Variants in ZC3H8 observed in about 807,000 individuals in gnomAD.
ZC3H8 encodes zinc finger CCCH domain-containing protein 8.
ZC3H8 carries 27 observed loss-of-function variants against 42.5 expected under a neutral mutation model. That is an observed-to-expected ratio of 0.64 (90% CI 0.47 to 0.88). The LOEUF (loss-of-function observed/expected upper bound fraction) is 0.88, where lower values mean the gene tolerates loss of function less well. ZC3H8 is among the 40% of genes least tolerant of loss of function. The pLI is 0.00. For missense variants in ZC3H8, 277 were observed against 336.1 expected (o/e 0.82, Z 1.37); for synonymous variants, 101 against 110.1 (o/e 0.92, Z 0.52).
At chr2:112,254,794 G>C in intron 1 of ZC3H8, 114 bp downstream of exon 1, 1 of 1,262,128 alleles carries the variant, frequency 7.9e-7, no homozygotes, top group South Asian at 1.4e-5. Flanking sequence ...GCTCCCCACG[G>C]GCCCTCGCGA....
At chr2:112,239,242 A>T (rs996512984) in intron 2 of ZC3H8, among the ~76,000 whole-genome samples, 2 of 152,242 alleles carry the variant, frequency 1.3e-5, no homozygotes, top group Non-Finnish European at 2.9e-5. Flanking sequence ...ATTTCTGCAT[A>T]AAAATTTTCA....
chr2:112,234,136 T>C lies in ZC3H8; in HGVS notation c.605A>G (p.Glu202Gly). 1.3e-6 allele frequency: 2 copies of C among 1,583,534 alleles called. No homozygotes were observed. Among genetic ancestry groups the C allele is most frequent in the Non-Finnish European group, 1.7e-6 (2 of 1,163,744 alleles). ...KGKQICKYFLERKCIKGDQCK... is the reference protein window; with the variant it reads ...KGKQICKYFLGRKCIKGDQCK... ...TTTTTATACCTTAATACATTTCCTTTCAAGAAAATATTTACAAATTTGTTT... is the reference window on the plus strand; with the variant it reads ...TTTTTATACCTTAATACATTTCCTTCCAAGAAAATATTTACAAATTTGTTT... Residue 202 changes from glutamate (E) to glycine (G), a missense_variant, in exon 5 of 9, where the codon GAA becomes GGA. Physicochemically the swap from Glu to Gly is moderately conservative, Grantham distance 98. Coordinates refer to ENST00000409573, the MANE Select transcript of ZC3H8 (RefSeq NM_032494.3).
rs771083370 is a variant in ZC3H8 at position 112,214,980 on chromosome 2, G to A, written c.*1504C>T. On this transcript the variant is annotated 3_prime_UTR_variant, in exon 9 of 9. Transcript: ENST00000409573. ...ACTTCTGAGTCCCTCAAATCTCTGCGGTGTCTTTTAAGTTTACAAGTGAGA... is the reference window on the plus strand; with the variant it reads ...ACTTCTGAGTCCCTCAAATCTCTGCAGTGTCTTTTAAGTTTACAAGTGAGA... The A allele has an allele frequency of 4.6e-5, 7 of 151,878 alleles. No homozygotes were observed. Among genetic ancestry groups the A allele is most frequent in the South Asian group, 2.1e-4 (1 of 4,814 alleles). The allele number at this position is 151,878 out of a possible 1,614,324, so 9.4% of individuals were successfully genotyped here.
At chr2:112,236,969 G>A (rs540449656) in intron 3 of ZC3H8, among the ~76,000 whole-genome samples, 1 of 152,334 alleles carries the variant, frequency 6.6e-6, no homozygotes, top group South Asian at 2.1e-4. Flanking sequence ...GCTAAGGCAG[G>A]AGGATTGCTT....
chr2:112,240,952 AGT>A (rs67273091), intron 2 of ZC3H8, among the ~76,000 whole-genome samples: 38,321 of 142,288 alleles, frequency 0.27, 5,224 homozygotes, highest in South Asian at 0.39. Flanking sequence ...TACAGGTAAC[AGT>A]GTGTGTGTGT....
intron 2 of ZC3H8, among the ~76,000 whole-genome samples, chr2:112,241,355 G>A (rs1162200267): frequency 2.6e-5 from 4 of 152,220 alleles, no homozygotes; most frequent in Admixed American, 1.3e-4. Context: ...TCTTCCATGG[G>A]CTGGCATTTG....
At position 112,233,347 on chromosome 2, in the gene ZC3H8, C is replaced by T; in HGVS notation, c.646G>A (p.Asp216Asn). Residue 216 changes from aspartate (D) to asparagine (N), a missense_variant, in exon 6 of 9, where the codon GAT (aspartate) becomes AAT (asparagine). Asp to Asn is a conservative substitution (Grantham distance 23). Transcript: ENST00000409573. ...TCCTTTTTCTTTTCTATCTCTGCAT[C>T]ATGATCAAATTTACACTGGTCTCCC... ...IKGDQCKFDH[D>N]AEIEKKKEMC... 6.3e-7 allele frequency: 1 copy of T among 1,594,122 alleles called. No individual in the cohort carries two copies. Among genetic ancestry groups the T allele is most frequent in the Non-Finnish European group, 8.6e-7 (1 of 1,169,212 alleles).
At chr2:112,252,281 T>G (rs1685976078) in intron 1 of ZC3H8, among the ~76,000 whole-genome samples, 1 of 152,194 alleles carries the variant, frequency 6.6e-6, no homozygotes, top group Non-Finnish European at 1.5e-5. Context: ...TCTTGCTATC[T>G]AAAACGGCAA....
chr2:112,248,368 A>AAAG (rs934132652), intron 2 of ZC3H8, among the ~76,000 whole-genome samples: 53 of 151,694 alleles, frequency 3.5e-4, no homozygotes, highest in African/African-American at 1.3e-3. Context: ...AAAAGGAAAA[A>AAAG]AAGAAAGAAA....
chr2:112,245,700 G>A (rs1685739265), intron 2 of ZC3H8, among the ~76,000 whole-genome samples: 1 of 152,176 alleles, frequency 6.6e-6, no homozygotes, highest in Non-Finnish European at 1.5e-5. Flanking sequence ...TGTAAAAGCT[G>A]CAAATTATCC....
chr2:112,242,783 C>G (rs570341007), intron 2 of ZC3H8, among the ~76,000 whole-genome samples: 1 of 152,168 alleles, frequency 6.6e-6, no homozygotes, highest in Non-Finnish European at 1.5e-5. Context: ...CTCCAGCTCT[C>G]TTCTGATTAA....
chr2:112,242,634 C>T (rs182582435), intron 2 of ZC3H8, among the ~76,000 whole-genome samples: 215 of 152,286 alleles, frequency 1.4e-3, no homozygotes, highest in African/African-American at 4.9e-3. Flanking sequence ...TCAAGTCAGA[C>T]GGCAAATCAC....
At chr2:112,221,406 T>A (rs1418691159) in intron 8 of ZC3H8, among the ~76,000 whole-genome samples, 1 of 152,204 alleles carries the variant, frequency 6.6e-6, no homozygotes, top group East Asian at 1.9e-4. Flanking sequence ...CCTTCTGCCA[T>A]GTCTGTAAGT....
intron 8 of ZC3H8, among the ~76,000 whole-genome samples, chr2:112,221,798 G>T (rs763578434): frequency 6.6e-6 from 1 of 151,964 alleles, no homozygotes; most frequent in Non-Finnish European, 1.5e-5. Flanking sequence ...TCTTGGATTG[G>T]GTTGACTATC....
chr2:112,238,332 A>G lies in ZC3H8; in HGVS notation c.353T>C (p.Val118Ala), dbSNP rs1685436737. The G allele has an allele frequency of 6.2e-7, 1 of 1,613,198 alleles. No homozygotes were observed. Among genetic ancestry groups the G allele is most frequent in the East Asian group, 2.2e-5 (1 of 44,844 alleles). ...QPEESTKKEG[V>A]KDTPQAAKQK... is the part of the protein sequence containing the mutation. ...ACTCTTACCCTGTGGGGTATCTTTT[A>G]CTCCTTCTTTCTTTGTAGATTCTTC... Residue 118 changes from valine (V) to alanine (A), a missense_variant, in exon 3 of 9, where the codon GTA (valine) becomes GCA (alanine). By Grantham distance (64) the Val-to-Ala change is moderately conservative. Transcript: ENST00000409573.
Position 112,231,890 on chromosome 2 carries a change from C to A in ZC3H8, c.791G>T (p.Cys264Phe). The change falls in exon 7 of 9, where the codon TGC (cysteine) becomes TTC (phenylalanine). Residue 264 changes from cysteine to phenylalanine, a missense_variant. By Grantham distance (205) the Cys-to-Phe change is radical. Coordinates refer to ENST00000409573, the MANE Select transcript of ZC3H8 (RefSeq NM_032494.3). ...AGTCAGTGGAGCATGAGAAAACTTGCAGTATTCTCCCTGATAACATTTTGT... is the reference window on the plus strand; with the variant it reads ...AGTCAGTGGAGCATGAGAAAACTTGAAGTATTCTCCCTGATAACATTTTGT... The part of the protein sequence containing the change: ...TGTKCYQGEY[C>F]KFSHAPLTPE... 1 of 1,591,078 alleles carries A rather than the reference C, an allele frequency of 6.3e-7. No individual in the cohort carries two copies. The highest frequency in any genetic ancestry group is 2.3e-5 in the East Asian group (1 of 44,292).
In ZC3H8 at chr2:112,238,923, G is replaced by A. The variant is rs571703963; in HGVS notation, c.157-395C>T. Among the ~76,000 whole-genome samples, 172 of 152,268 alleles carry A rather than the reference G, an allele frequency of 1.1e-3. 1 individual carries two copies. Among genetic ancestry groups the A allele is most frequent in the Non-Finnish European group, 2.1e-3 (146 of 68,006 alleles). ...CTTTGCATTGACAGTACTTTTAAAT[G>A]TCTTCAATAATTTATCATTTTGTAA... On this transcript the variant is annotated intron_variant, in intron 2 of 8. Coordinates refer to ENST00000409573, the MANE Select transcript of ZC3H8 (RefSeq NM_032494.3).
intron 5 of ZC3H8, among the ~76,000 whole-genome samples, chr2:112,233,633 C>T (rs918680477): frequency 1.8e-4 from 28 of 152,012 alleles, no homozygotes; most frequent in South Asian, 2.1e-4. Context: ...CTTTGGAGGC[C>T]GAGGTGCGCG....
At position 112,214,684 on chromosome 2, in the gene ZC3H8, T is replaced by C. The variant is rs1180742647; in HGVS notation, c.*1800A>G. The C allele has an allele frequency of 1.3e-5, 2 of 152,072 alleles. No homozygotes were observed. The highest frequency in any genetic ancestry group is 2.9e-5 in the Non-Finnish European group (2 of 68,096). The allele number at this position is 152,072 out of a possible 1,614,324, so 9.4% of individuals were successfully genotyped here. On this transcript the variant is annotated 3_prime_UTR_variant, in exon 9 of 9. Coordinates refer to ENST00000409573, the MANE Select transcript of ZC3H8 (RefSeq NM_032494.3). ...CACAGTGGGGGCGTGGCTGAAGCAG[T>C]ATACTCGGAAATCTGCTCTGAGGAA... is the stretch of plus-strand genomic sequence containing the variant.
Sources: gnomAD v4.1 joint callset for allele counts (sites outside exome capture counted in the v4.1 genomes callset) on GRCh38, gnomAD v4.1.1 for gene constraint, MANE v1.5 for transcripts, NCBI Gene and HGNC (gene_info 2026-07-23, HGNC 2026-07-21) for gene names.